The following ATP2B4 variants were observed in gnomAD, a reference collection of about 807,000 sequenced individuals.
ATP2B4 encodes the protein ATPase plasma membrane Ca2+ transporting 4.
Under a neutral mutation model 110.3 loss-of-function variants are expected in ATP2B4, and 39 were observed. The observed-to-expected ratio is 0.35, with a 90% CI of 0.27 to 0.46. The LOEUF is 0.46. Among genes scored for constraint, ATP2B4 ranks in the 20% least tolerant of loss-of-function variants. The pLI is 1.00. For missense variants in ATP2B4, 1,135 were observed against 1,530.9 expected (o/e 0.74, Z 4.32); for synonymous variants, 538 against 571.7 (o/e 0.94, Z 0.84).
At chr1:203,686,680 T>C (rs202005520) in intron 2 of ATP2B4, among the ~76,000 whole-genome samples, 5 of 124,992 alleles carry the variant, frequency 4.0e-5, no homozygotes, top group East Asian at 4.7e-4. Flanking sequence ...TTCTTTCTTT[T>C]CTTTCTTTTT....
rs767563059 is a variant in ATP2B4, at chr1:203,699,413, G to A, written c.392-47G>A. 4 of 1,603,692 alleles carry A rather than the reference G, an allele frequency of 2.5e-6. No homozygotes were observed. The Admixed American group carries it at 5.1e-5, about 20-fold the overall frequency. On this transcript the variant is annotated intron_variant, in intron 3 of 20. Transcript: ENST00000357681. ...GGAAGCACTACTCCTATTTCTTAAT[G>A]TCAACAAAAGCCCTTCAGTGACTAT...
intron 12 of ATP2B4, 58 bp downstream of exon 12, chr1:203,711,166 T>C: frequency 6.5e-7 from 1 of 1,533,272 alleles, no homozygotes; most frequent in Non-Finnish European, 9.0e-7. Context: ...GTTCCCTTTC[T>C]AGTTGTGACC....
chr1:203,680,616 AAAG>A (rs1460611622), intron 1 of ATP2B4, among the ~76,000 whole-genome samples: 1 of 43,894 alleles, frequency 2.3e-5, no homozygotes, highest in African/African-American at 4.7e-5. Context: ...CTCAAAAAAA[AAAG>A]AAAAAAAAGA....
At chr1:203,732,863 G>T (rs1228252355) in intron 20 of ATP2B4, among the ~76,000 whole-genome samples, 8 of 151,388 alleles carry the variant, frequency 5.3e-5, no homozygotes, top group Non-Finnish European at 8.8e-5. Context: ...TCGCTGTCTA[G>T]CTGTTAGGAG....
chr1:203,700,885 G>T lies in ATP2B4; in HGVS notation c.863G>T (p.Gly288Val), dbSNP rs142206068. 3,232 of 1,613,582 alleles carry T rather than the reference G, an allele frequency of 2.0e-3. 53 individuals carry two copies. The highest frequency in any genetic ancestry group is 9.5e-3 in the East Asian group (426 of 44,860). The change falls in exon 6 of 21, where the codon GGG becomes GTG. Residue 288 changes from glycine to valine, a missense_variant. Coordinates refer to ENST00000357681, the MANE Select transcript of ATP2B4 (RefSeq NM_001684.5). ...ACTGGAATCATCCTTACTCTCTTGG[G>T]GGTCAATGAGGATGACGAAGGGGAG... ...SQTGIILTLL[G>V]VNEDDEGEKK...
chr1:203,683,666 C>CTTTTTTTTTTTTTTTTTTTTTTT (rs11326748), intron 2 of ATP2B4, among the ~76,000 whole-genome samples: 19 of 77,692 alleles, frequency 2.4e-4, no homozygotes, highest in African/African-American at 3.8e-4. Context: ...TCTTTTGTTT[C>CTTTTTTTTTTTTTTTTTTTTTTT]TTTTTTTTTT....
At chr1:203,724,420 G>C (rs1238132703) in intron 19 of ATP2B4, among the ~76,000 whole-genome samples, 1 of 152,090 alleles carries the variant, frequency 6.6e-6, no homozygotes, top group Non-Finnish European at 1.5e-5. Context: ...GGGAGGCTGA[G>C]GCAGGAGAAT....
chr1:203,700,252 G>A lies in ATP2B4; in HGVS notation c.696G>A (p.Leu232=), dbSNP rs1164261135. Residue 232 remains leucine, a synonymous_variant, in exon 5 of 21, where the codon CTG becomes CTA. Coordinates refer to ENST00000357681, the MANE Select transcript of ATP2B4 (RefSeq NM_001684.5). ...GAATCCTGATCCAAGGGAATGATCT[G>A]AAGATTGATGAGAGCTCTCTGACAG... ...ADGILIQGND[L]KIDESSLTGE... The A allele has an allele frequency of 6.2e-7, 1 of 1,613,900 alleles. No homozygotes were observed.
intron 1 of ATP2B4, chr1:203,657,902 C>T (rs539297964): frequency 3.7e-6 from 1 of 269,116 alleles, no homozygotes; most frequent in Non-Finnish European, 7.0e-6. Context: ...CAGGGTTTCA[C>T]CATGTTGGCC....
chr1:203,692,293 T>C (rs946504328), intron 2 of ATP2B4, among the ~76,000 whole-genome samples: 1 of 152,122 alleles, frequency 6.6e-6, no homozygotes, highest in African/African-American at 2.4e-5. Flanking sequence ...TCCTCCTGCC[T>C]CAACCTCCTG....
intron 20 of ATP2B4, among the ~76,000 whole-genome samples, chr1:203,732,654 G>A (rs931948456): frequency 1.3e-5 from 2 of 152,098 alleles, no homozygotes; most frequent in Non-Finnish European, 2.9e-5. Context: ...AGAGGTTCCT[G>A]AGCCTTCAAA....
chr1:203,707,082 C>T lies in ATP2B4; in HGVS notation c.1173C>T (p.Arg391=), dbSNP rs772214345. The change falls in exon 9 of 21, where the codon CGC becomes CGT. Residue 391 remains arginine, a synonymous_variant. Transcript: ENST00000357681. ...YFVIDNFVIN[R]RPWLPECTPI... ...TGATTGACAACTTTGTGATAAATCG[C>T]AGACCATGGCTCCCTGAGTGTACTC... is the stretch of plus-strand genomic sequence containing the variant. The T allele has an allele frequency of 6.2e-7, 1 of 1,614,106 alleles. No homozygotes were observed. The highest frequency in any genetic ancestry group is 1.3e-5 in the African/African-American group (1 of 75,038).
chr1:203,685,518 T>G (rs1170294220), intron 2 of ATP2B4, among the ~76,000 whole-genome samples: 1 of 144,238 alleles, frequency 6.9e-6, no homozygotes, highest in Non-Finnish European at 1.5e-5. Context: ...GTATTATAAG[T>G]TAGTGACTTG....
intron 14 of ATP2B4, among the ~76,000 whole-genome samples, chr1:203,713,873 G>A (rs1666084296): frequency 6.6e-6 from 1 of 152,160 alleles, no homozygotes; most frequent in Admixed American, 6.5e-5. Context: ...AGGCTGAGAA[G>A]ACAAGTAACT....
In ATP2B4 at chr1:203,682,983, T is replaced by G; in HGVS notation, c.-223T>G. On this transcript the variant is annotated 5_prime_UTR_variant, in exon 2 of 21. Transcript: ENST00000357681. ...CACCTTCCACTCAGTTCCCCCATCC[T>G]CTTCCTCCTCTCGCTGCCAGACTTC... The G allele has an allele frequency of 2.1e-6, 1 of 480,606 alleles. No homozygotes were observed. The allele number at this position is 480,606 out of a possible 1,614,324, so 29.8% of individuals were successfully genotyped here. A position where few individuals can be genotyped will look rare whatever the true frequency, so the allele number is the denominator to read the frequency against.
In ATP2B4 at chr1:203,700,326, T is replaced by A. The variant is rs760226605; in HGVS notation, c.770T>A (p.Leu257His). 1 of 1,612,620 alleles carries A rather than the reference T, an allele frequency of 6.2e-7. No individual in the cohort carries two copies. Among genetic ancestry groups the A allele is most frequent in the Non-Finnish European group, 8.5e-7 (1 of 1,179,228 alleles). ...TCCCTGGACAAAGACCCCATGTTGC[T>A]CTCAGGTATAGGCCCTGGCTGCCCA... ...KKSLDKDPMLLSGTHVMEGSG... is the reference protein window; with the variant it reads ...KKSLDKDPMLHSGTHVMEGSG... Residue 257 changes from leucine to histidine, a missense_variant, in exon 5 of 21, where the codon CTC (leucine) becomes CAC (histidine). Leu to His is a moderately conservative substitution (Grantham distance 99). Transcript: ENST00000357681.
chr1:203,737,515 C>A (rs1167062533), intron 20 of ATP2B4, among the ~76,000 whole-genome samples: 2 of 152,160 alleles, frequency 1.3e-5, no homozygotes, highest in African/African-American at 4.8e-5. Flanking sequence ...TCACTCAATC[C>A]AAATTGCCTT....
chr1:203,647,945 A>C (rs1172702244), intron 1 of ATP2B4, among the ~76,000 whole-genome samples: 1 of 152,114 alleles, frequency 6.6e-6, no homozygotes, highest in Non-Finnish European at 1.5e-5. Context: ...ACTTTCCTCT[A>C]TGTGTCTGGA....
At chr1:203,729,789 G>T in intron 20 of ATP2B4, 1 of 1,316,584 alleles carries the variant, frequency 7.6e-7, no homozygotes, top group East Asian at 5.1e-5. Context: ...GCACTGCCTG[G>T]AGCTCACCAG....
Sources: allele counts gnomAD v4.1 joint callset (sites outside exome capture counted in the v4.1 genomes callset), GRCh38; gene constraint gnomAD v4.1.1; transcripts MANE v1.5; gene names NCBI Gene and HGNC (gene_info 2026-07-23, HGNC 2026-07-21).